Variants in SPOCK3 observed in about 807,000 individuals in gnomAD.
SPOCK3 encodes the protein testican-3.
Under a neutral mutation model 56.6 loss-of-function variants are expected in SPOCK3, and 30 were observed. The ratio of observed to expected loss-of-function variants is 0.53; its 90% CI spans 0.40 to 0.72. The LOEUF is 0.72. Among genes scored for constraint, SPOCK3 ranks in the 30% least tolerant of loss-of-function variants. SPOCK3 has a pLI of 0.00. For synonymous variants in SPOCK3, 196 were observed against 183.3 expected, an observed-to-expected ratio of 1.07 and a Z score of -0.56; for missense variants, 527 against 530.0, an observed-to-expected ratio of 0.99 and a Z score of 0.06.
chr4:167,231,654 C>T (rs1737192375), intron 2 of SPOCK3, among the ~76,000 whole-genome samples: 1 of 152,014 alleles, frequency 6.6e-6, no homozygotes, highest in African/African-American at 2.4e-5. Flanking sequence ...GATTATTAAG[C>T]TAATGATTCC....
At chr4:167,234,426 CA>C (rs1178717369) in intron 1 of SPOCK3, 23 bp downstream of exon 1, 2 of 570,580 alleles carry the variant, frequency 3.5e-6, no homozygotes, top group Non-Finnish European at 6.3e-6. Flanking sequence ...CGAGCGGGCA[CA>C]AAACCGCTTC....
At chr4:166,976,401 G>T (rs1211594996) in intron 4 of SPOCK3, among the ~76,000 whole-genome samples, 1 of 152,030 alleles carries the variant, frequency 6.6e-6, no homozygotes, top group Non-Finnish European at 1.5e-5. Flanking sequence ...CTTGCCTATT[G>T]CAACCCAATG....
chr4:167,112,827 C>T (rs1437762850), intron 2 of SPOCK3, among the ~76,000 whole-genome samples: 1 of 121,450 alleles, frequency 8.2e-6, no homozygotes. Context: ...TCCAAGGACT[C>T]TGTTCAAAAG....
intron 5 of SPOCK3, among the ~76,000 whole-genome samples, chr4:166,899,944 T>G (rs1050436765): frequency 6.6e-6 from 1 of 152,220 alleles, no homozygotes; most frequent in Non-Finnish European, 1.5e-5. Flanking sequence ...TTGCATTCTT[T>G]GGGTATTGGA....
intron 4 of SPOCK3, among the ~76,000 whole-genome samples, chr4:166,916,807 G>C (rs750775060): frequency 6.6e-6 from 1 of 152,138 alleles, no homozygotes; most frequent in Non-Finnish European, 1.5e-5. Context: ...ATTTGATCTT[G>C]AGTAATCCAT....
chr4:167,077,953 C>G (rs964294860), intron 2 of SPOCK3, among the ~76,000 whole-genome samples: 3 of 151,770 alleles, frequency 2.0e-5, no homozygotes, highest in Non-Finnish European at 2.9e-5. Flanking sequence ...TATGCCATAC[C>G]ATGGTAGCCT....
chr4:166,866,403 A>G (rs1731846574), intron 6 of SPOCK3, among the ~76,000 whole-genome samples: 1 of 152,190 alleles, frequency 6.6e-6, no homozygotes, highest in Non-Finnish European at 1.5e-5. Context: ...CCCAAAAGCA[A>G]TTGCAGCAAA....
chr4:166,988,788 A>C lies in SPOCK3; in HGVS notation c.350+11561T>G, dbSNP rs549703182. Among the ~76,000 whole-genome samples the C allele has an allele frequency of 2.6e-3, 396 of 152,196 alleles. 3 individuals carry two copies. Among genetic ancestry groups the C allele is most frequent in the Non-Finnish European group, 3.8e-3 (256 of 67,960 alleles). On this transcript the variant is annotated intron_variant, in intron 4 of 10. Coordinates refer to ENST00000357545, the MANE Select transcript of SPOCK3 (RefSeq NM_001040159.2). ...TTGTCTTAATCTGTAAAAGGACGAA[A>C]ATAATAGTAACTACAAAATAAATTA...
At chr4:167,163,432 T>C (rs1765495720) in intron 2 of SPOCK3, among the ~76,000 whole-genome samples, 1 of 152,166 alleles carries the variant, frequency 6.6e-6, no homozygotes, top group Admixed American at 6.6e-5. Flanking sequence ...TTACCATTTC[T>C]TGTGTTATAA....
intron 7 of SPOCK3, among the ~76,000 whole-genome samples, chr4:166,786,665 A>G (rs985872262): frequency 1.2e-4 from 18 of 152,218 alleles, no homozygotes; most frequent in Admixed American, 8.5e-4. Context: ...TTCTTAGATG[A>G]CTTATGTCAG....
At chr4:167,142,788 A>G (rs923582593) in intron 2 of SPOCK3, among the ~76,000 whole-genome samples, 2 of 152,038 alleles carry the variant, frequency 1.3e-5, no homozygotes, top group African/African-American at 4.8e-5. Flanking sequence ...ATGCTCAAAA[A>G]TGAACAATAG....
At chr4:166,740,898 CATT>C (rs1247300600) in intron 9 of SPOCK3, among the ~76,000 whole-genome samples, 1 of 152,080 alleles carries the variant, frequency 6.6e-6, no homozygotes, top group African/African-American at 2.4e-5. Context: ...AAACATGACA[CATT>C]GTAGCATTTA....
At chr4:167,016,379 A>G (rs1750616140) in intron 3 of SPOCK3, among the ~76,000 whole-genome samples, 1 of 152,042 alleles carries the variant, frequency 6.6e-6, no homozygotes, top group Non-Finnish European at 1.5e-5. Context: ...ATGCTGCTAT[A>G]TATTTTTGTT....
intron 2 of SPOCK3, among the ~76,000 whole-genome samples, chr4:167,133,082 T>C (rs1262516862): frequency 1.3e-5 from 2 of 152,300 alleles, no homozygotes; most frequent in African/African-American, 4.8e-5. Context: ...CTGAAATATG[T>C]CCACATCCTA....
intron 3 of SPOCK3, among the ~76,000 whole-genome samples, chr4:167,048,331 GA>G (rs568408702): frequency 1.1e-4 from 16 of 150,608 alleles, no homozygotes; most frequent in African/African-American, 2.2e-4. Flanking sequence ...AAATGCAAAA[GA>G]AAAAAAAGTA....
intron 6 of SPOCK3, among the ~76,000 whole-genome samples, chr4:166,856,515 G>A (rs1433240841): frequency 1.3e-5 from 2 of 152,062 alleles, no homozygotes; most frequent in African/African-American, 2.4e-5. Flanking sequence ...GTGGCTCACA[G>A]CTGTAATCCC....
intron 7 of SPOCK3, among the ~76,000 whole-genome samples, chr4:166,755,371 T>C (rs1009710267): frequency 6.6e-6 from 1 of 152,126 alleles, no homozygotes; most frequent in Non-Finnish European, 1.5e-5. Flanking sequence ...AGAGCAGGTA[T>C]AGAGAGATGA....
At chr4:166,773,873 T>G (rs1054304453) in intron 7 of SPOCK3, among the ~76,000 whole-genome samples, 24 of 152,162 alleles carry the variant, frequency 1.6e-4, no homozygotes, top group African/African-American at 5.5e-4. Flanking sequence ...ATTGAACAAA[T>G]GGGGCTTATA....
chr4:167,144,031 T>C (rs763968111), intron 2 of SPOCK3, among the ~76,000 whole-genome samples: 39 of 151,988 alleles, frequency 2.6e-4, no homozygotes, highest in Non-Finnish European at 4.3e-4. Flanking sequence ...ATGGAAGAAG[T>C]CACCAGAATA....
Sources: allele counts gnomAD v4.1 joint callset (sites outside exome capture counted in the v4.1 genomes callset), GRCh38; gene constraint gnomAD v4.1.1; transcripts MANE v1.5; gene names NCBI Gene and HGNC (gene_info 2026-07-23, HGNC 2026-07-21).